Variants in LIMCH1 observed in about 807,000 individuals in gnomAD.
LIMCH1 encodes LIM and calponin homology domains-containing protein 1.
A neutral mutation model predicts 176.5 loss-of-function variants in LIMCH1; 113 were observed. That is an observed-to-expected ratio of 0.64 (90% CI 0.55 to 0.75). The LOEUF (loss-of-function observed/expected upper bound fraction) is 0.75. LIMCH1 is among the 30% of genes least tolerant of loss of function. The pLI is 0.00. For missense variants in LIMCH1, 1,674 were observed against 1,814.9 expected, an observed-to-expected ratio of 0.92 and a Z score of 1.41; for synonymous variants, 619 against 645.9, an observed-to-expected ratio of 0.96 and a Z score of 0.63.
intron 1 of LIMCH1, among the ~76,000 whole-genome samples, chr4:41,463,185 CTG>C (rs2154154092): frequency 6.6e-6 from 1 of 151,616 alleles, no homozygotes; most frequent in African/African-American, 2.4e-5. Flanking sequence ...AAAAAAAACT[CTG>C]AAGTTCTTTT....
chr4:41,549,111 A>C (rs769263848), intron 1 of LIMCH1, among the ~76,000 whole-genome samples: 5 of 151,680 alleles, frequency 3.3e-5, no homozygotes, highest in Non-Finnish European at 7.4e-5. Context: ...GCTGGTCTCA[A>C]ACTCCCAGAC....
intron 1 of LIMCH1, among the ~76,000 whole-genome samples, chr4:41,361,268 A>G (rs1375290026): frequency 1.3e-5 from 2 of 152,244 alleles, no homozygotes; most frequent in Non-Finnish European, 2.9e-5. Context: ...AGGGAAGCGC[A>G]GTGCTAGCAA....
chr4:41,460,311 C>A (rs566389716), intron 1 of LIMCH1, among the ~76,000 whole-genome samples: 1 of 151,812 alleles, frequency 6.6e-6, no homozygotes, highest in African/African-American at 2.4e-5. Flanking sequence ...TATTGCATAG[C>A]GCAGATGTAG....
chr4:41,609,477 G>C lies in LIMCH1; in HGVS notation c.9+3473G>C, dbSNP rs541487120. On this transcript the variant is annotated intron_variant, in intron 4 of 31. Transcript: ENST00000503057. ...TGGTGGGTGGAGAGTGGCTGAGCAG[G>C]CTGGAAAAGTAGAACCCTAAAGCCC... Among the ~76,000 whole-genome samples the C allele has an allele frequency of 2.1e-3, 318 of 152,196 alleles. 1 individual carries two copies. The highest frequency in any genetic ancestry group is 6.8e-3 in the African/African-American group (284 of 41,532).
intron 1 of LIMCH1, among the ~76,000 whole-genome samples, chr4:41,555,926 G>T (rs1373282601): frequency 6.6e-6 from 1 of 151,964 alleles, no homozygotes; most frequent in Non-Finnish European, 1.5e-5. Flanking sequence ...TGTACTTTTT[G>T]TAGAGACAGG....
chr4:41,368,487 G>A (rs573762091), intron 1 of LIMCH1, among the ~76,000 whole-genome samples: 6 of 152,070 alleles, frequency 3.9e-5, no homozygotes, highest in African/African-American at 4.8e-5. Flanking sequence ...GGGCAGGGGG[G>A]ATTAAGAGAA....
rs1426637075 is a variant in LIMCH1, at chr4:41,646,525, G to A, written c.2452G>A (p.Ala818Thr). Reference sequence around the variant, plus strand: ...AGAGCTGCATGAAGCATATAAGAACGCTCGGTCCCAGGAGGAGGCAGAGGG... The same window carrying A: ...AGAGCTGCATGAAGCATATAAGAACACTCGGTCCCAGGAGGAGGCAGAGGG... The part of the protein sequence containing the change: ...ERELHEAYKN[A>T]RSQEEAEGIL... Residue 818 changes from alanine to threonine, a missense_variant, in exon 17 of 32, where the codon GCT becomes ACT. Transcript: ENST00000503057. 6.8e-6 allele frequency: 11 copies of A among 1,613,948 alleles called. No individual in the cohort carries two copies. The highest frequency in any genetic ancestry group is 1.6e-4 in the Middle Eastern group (1 of 6,084).
Position 41,629,607 on chromosome 4 carries a change from C to CT in LIMCH1, c.1145dup (p.Ala383GlyfsTer28). 1 of 1,536,080 alleles carries CT rather than the reference C, an allele frequency of 6.5e-7. No individual in the cohort carries two copies. Among genetic ancestry groups the CT allele is most frequent in the Non-Finnish European group, 8.7e-7 (1 of 1,146,904 alleles). ...GGTGCCAGATCTTCACAAGGATGAC[C>CT]TGGCCCAGCAGAGAATTCAGGGCAG... On this transcript the variant is annotated frameshift_variant, in exon 9 of 32. Coordinates refer to ENST00000503057, the MANE Select transcript of LIMCH1 (RefSeq NM_001330672.2). LOFTEE classifies it high-confidence loss of function.
At chr4:41,585,686 C>T (rs2086312348) in intron 1 of LIMCH1, among the ~76,000 whole-genome samples, 1 of 152,218 alleles carries the variant, frequency 6.6e-6, no homozygotes, top group African/African-American at 2.4e-5. Flanking sequence ...TCTCTGTATT[C>T]TCATCAACAC....
intron 1 of LIMCH1, among the ~76,000 whole-genome samples, chr4:41,539,539 G>A (rs900430141): frequency 6.6e-6 from 1 of 152,158 alleles, no homozygotes; most frequent in Admixed American, 6.5e-5. Flanking sequence ...GGAAGAAGGG[G>A]CAAGAATAAG....
upstream of LIMCH1, chr4:41,360,555 G>A (rs190545904): frequency 3.6e-4 from 74 of 207,692 alleles, no homozygotes; most frequent in Admixed American, 3.0e-3. This position sits in a 1 kb window ranked among gnomAD's most constrained non-coding sequence, Gnocchi z 4.5. Context: ...CCCCCTCCCC[G>A]GGGGCGGAGC....
chr4:41,387,144 A>G (rs2056597392), intron 1 of LIMCH1, among the ~76,000 whole-genome samples: 1 of 152,234 alleles, frequency 6.6e-6, no homozygotes, highest in Non-Finnish European at 1.5e-5. Context: ...TTAAAGTTAA[A>G]CAATATTTAT....
At chr4:41,649,133 C>T (rs2094186526) in intron 17 of LIMCH1, among the ~76,000 whole-genome samples, 1 of 152,170 alleles carries the variant, frequency 6.6e-6, no homozygotes, top group African/African-American at 2.4e-5. Context: ...GGCGAGGTGG[C>T]TCACACCTGT....
intron 14 of LIMCH1, among the ~76,000 whole-genome samples, chr4:41,641,999 T>C (rs2093841770): frequency 1.3e-5 from 2 of 152,182 alleles, no homozygotes; most frequent in African/African-American, 4.8e-5. Context: ...CTGCTCTCAT[T>C]TTCTCCATGC....
chr4:41,612,381 G>A (rs923150204), intron 4 of LIMCH1: 74 of 560,964 alleles, frequency 1.3e-4, no homozygotes, highest in African/African-American at 1.3e-3. Context: ...GGACTTTCGC[G>A]AGCATCCCAG....
At chr4:41,436,413 A>G (rs903849480) in intron 1 of LIMCH1, among the ~76,000 whole-genome samples, 1 of 152,186 alleles carries the variant, frequency 6.6e-6, no homozygotes, top group Non-Finnish European at 1.5e-5. Flanking sequence ...GGGTCTGCTC[A>G]TGGGTCTGGG....
At chr4:41,424,002 C>T (rs2060855180) in intron 1 of LIMCH1, among the ~76,000 whole-genome samples, 1 of 152,190 alleles carries the variant, frequency 6.6e-6, no homozygotes, top group East Asian at 1.9e-4. Flanking sequence ...GGATAGGATA[C>T]TGGCATACCA....
At chr4:41,675,835 C>T (rs1455790162) in intron 22 of LIMCH1, among the ~76,000 whole-genome samples, 2 of 152,138 alleles carry the variant, frequency 1.3e-5, no homozygotes, top group Non-Finnish European at 1.5e-5. Context: ...TCATGCGGGC[C>T]CCAGGGCAAG....
At chr4:41,384,925 G>A (rs1384082059) in intron 1 of LIMCH1, among the ~76,000 whole-genome samples, 2 of 152,180 alleles carry the variant, frequency 1.3e-5, no homozygotes, top group Non-Finnish European at 2.9e-5. Context: ...TAAGAAAAAA[G>A]TCTGAACAGC....
Sources: allele counts gnomAD v4.1 joint callset (sites outside exome capture counted in the v4.1 genomes callset), GRCh38; gene constraint gnomAD v4.1.1; non-coding constraint Gnocchi (gnomAD v3.1); transcripts MANE v1.5; gene names NCBI Gene and HGNC (gene_info 2026-07-23, HGNC 2026-07-21).